Variants in SNAP91 observed in about 807,000 individuals in gnomAD.
SNAP91 encodes the protein clathrin coat assembly protein AP180.
In SNAP91, 27 loss-of-function variants were observed where a neutral mutation model predicts 100.3. That is an observed-to-expected ratio of 0.27 (90% confidence interval 0.20 to 0.37). The LOEUF (loss-of-function observed/expected upper bound fraction) is 0.37, where lower values mean the gene tolerates loss of function less well. Among genes scored for constraint, SNAP91 ranks in the 10% least tolerant of loss-of-function variants. The pLI is 1.00. For missense variants in SNAP91, 986 were observed against 1,123.7 expected, an observed-to-expected ratio of 0.88 and a Z score of 1.75; for synonymous variants, 404 against 398.6, an observed-to-expected ratio of 1.01 and a Z score of -0.16.
chr6:83,672,162 T>G (rs13194511), intron 2 of SNAP91, among the ~76,000 whole-genome samples: 1 of 152,170 alleles, frequency 6.6e-6, no homozygotes, highest in East Asian at 1.9e-4. Context: ...TACCTTTACG[T>G]GCTATTCTCA....
At chr6:83,605,449 CT>C (rs1007156074) in intron 14 of SNAP91, among the ~76,000 whole-genome samples, 1 of 152,138 alleles carries the variant, frequency 6.6e-6, no homozygotes, top group Admixed American at 6.6e-5. Flanking sequence ...CTTGTTCCAA[CT>C]GTTAAAATAA....
rs1376893801 is a variant in SNAP91, at chr6:83,692,133, T to C, written c.130+15665A>G. Among the ~76,000 whole-genome samples, 4 of 152,208 alleles carry C rather than the reference T, an allele frequency of 2.6e-5. No homozygotes were observed. In the East Asian group the frequency reaches 5.8e-4, roughly 22 times the overall value. ...CTATTCTGCTTACAGTATTGAAAGA[T>C]ACCTATGAAAAGAACTATTAGATTC... is the stretch of plus-strand genomic sequence containing the variant. On this transcript the variant is annotated intron_variant, in intron 2 of 29. Coordinates refer to ENST00000369694, the MANE Select transcript of SNAP91 (RefSeq NM_001242792.2).
Position 83,560,133 on chromosome 6 carries a change from A to AG in SNAP91, c.2601dup (p.Phe868LeufsTer35), listed in dbSNP as rs1326398028. 1.9e-6 allele frequency: 3 copies of AG among 1,613,772 alleles called. No individual in the cohort carries two copies. Among genetic ancestry groups the AG allele is most frequent in the Non-Finnish European group, 2.5e-6 (3 of 1,179,872 alleles). ...GTGCCAGGTACAGCGGCAGCTCCAAAGGGGGGCCTCATCATGGGCTGTGCA... is the reference window on the plus strand; with the variant it reads ...GTGCCAGGTACAGCGGCAGCTCCAAAGGGGGGGCCTCATCATGGGCTGTGCA... On this transcript the variant is annotated frameshift_variant, in exon 28 of 30. Transcript: ENST00000369694. LOFTEE classifies it high-confidence loss of function.
intron 22 of SNAP91, among the ~76,000 whole-genome samples, chr6:83,585,640 C>T (rs2092393666): frequency 6.6e-6 from 1 of 151,876 alleles, no homozygotes; most frequent in African/African-American, 2.4e-5. Context: ...AACTGAAGAG[C>T]CAACTGTTTT....
At chr6:83,601,179 C>T (rs988106013) in intron 16 of SNAP91, 92 bp downstream of exon 16, 2 of 1,091,008 alleles carry the variant, frequency 1.8e-6, no homozygotes, top group Non-Finnish European at 2.7e-6. Flanking sequence ...CTCTGACATG[C>T]TGTTACATAA....
intron 14 of SNAP91, among the ~76,000 whole-genome samples, chr6:83,603,928 A>G (rs1281624140): frequency 1.3e-5 from 2 of 152,228 alleles, no homozygotes; most frequent in African/African-American, 4.8e-5. Context: ...TTCTAATAAA[A>G]TTGGTTATTA....
chr6:83,675,794 A>C (rs1366577137), intron 2 of SNAP91, among the ~76,000 whole-genome samples: 1 of 150,794 alleles, frequency 6.6e-6, no homozygotes, highest in Non-Finnish European at 1.5e-5. Context: ...ATGCAAGCAA[A>C]GTATATAGCA....
At chr6:83,680,145 G>A (rs375293784) in intron 2 of SNAP91, among the ~76,000 whole-genome samples, 10 of 152,012 alleles carry the variant, frequency 6.6e-5, no homozygotes, top group African/African-American at 2.4e-4. Flanking sequence ...TCTCAATCAA[G>A]TTTAAAAATT....
chr6:83,643,674 T>C (rs2097797631), intron 7 of SNAP91, among the ~76,000 whole-genome samples: 1 of 152,204 alleles, frequency 6.6e-6, no homozygotes, highest in Non-Finnish European at 1.5e-5. Context: ...TTAATTTTCT[T>C]AAGGGAAGTT....
At chr6:83,637,577 TG>T (rs2097514433) in intron 8 of SNAP91, among the ~76,000 whole-genome samples, 1 of 152,214 alleles carries the variant, frequency 6.6e-6, no homozygotes, top group African/African-American at 2.4e-5. Context: ...GCATTTTGAC[TG>T]GCTAGACTTG....
chr6:83,685,121 T>A (rs1339370593), intron 2 of SNAP91, among the ~76,000 whole-genome samples: 1 of 152,176 alleles, frequency 6.6e-6, no homozygotes, highest in African/African-American at 2.4e-5. Context: ...GATACCACAG[T>A]CCCAGTATTT....
intron 10 of SNAP91, among the ~76,000 whole-genome samples, chr6:83,616,395 A>C (rs551700962): frequency 9.8e-5 from 15 of 152,316 alleles, no homozygotes; most frequent in African/African-American, 3.4e-4. Context: ...ATAGTCAAAA[A>C]TATAAGTACT....
chr6:83,567,740 G>T (rs1028762804), intron 26 of SNAP91, among the ~76,000 whole-genome samples: 9 of 152,184 alleles, frequency 5.9e-5, no homozygotes, highest in Admixed American at 3.9e-4. Context: ...AAAGACACAT[G>T]AAAAAAAGCT....
chr6:83,621,637 TGTACTTTCAATGAC>T (rs1285968658), intron 9 of SNAP91, among the ~76,000 whole-genome samples: 1 of 152,176 alleles, frequency 6.6e-6, no homozygotes, highest in African/African-American at 2.4e-5. Context: ...ATTTCAATGA[TGTACTTTCAATGAC>T]ATGCTCTCAT....
chr6:83,628,669 C>T (rs2097077362), intron 8 of SNAP91, among the ~76,000 whole-genome samples: 1 of 151,746 alleles, frequency 6.6e-6, no homozygotes, highest in Non-Finnish European at 1.5e-5. Flanking sequence ...TGTGTATCTT[C>T]TTTTGAGAAC....
intron 22 of SNAP91, among the ~76,000 whole-genome samples, chr6:83,587,293 T>TAG (rs1405454576): frequency 5.9e-5 from 9 of 152,164 alleles, no homozygotes; most frequent in Admixed American, 1.3e-4. Flanking sequence ...TAAGAGTCCT[T>TAG]AGTCCAGTGA....
chr6:83,605,482 A>T (rs901545815), intron 14 of SNAP91, among the ~76,000 whole-genome samples: 7 of 152,240 alleles, frequency 4.6e-5, no homozygotes, highest in Non-Finnish European at 8.8e-5. Flanking sequence ...CTATTTGAAC[A>T]TTCTCACTGT....
At chr6:83,587,539 T>C (rs891708908) in intron 22 of SNAP91, among the ~76,000 whole-genome samples, 1 of 152,158 alleles carries the variant, frequency 6.6e-6, no homozygotes, top group African/African-American at 2.4e-5. Context: ...ACTGTGGACT[T>C]AGCTGATCCC....
At chr6:83,657,259 T>C (rs1393033217) in intron 6 of SNAP91, among the ~76,000 whole-genome samples, 1 of 152,192 alleles carries the variant, frequency 6.6e-6, no homozygotes, top group Admixed American at 6.5e-5. Flanking sequence ...TGACTCAGTG[T>C]GGAAGAACAG....
Sources: allele counts gnomAD v4.1 joint callset (sites outside exome capture counted in the v4.1 genomes callset), GRCh38; gene constraint gnomAD v4.1.1; transcripts MANE v1.5; gene names NCBI Gene and HGNC (gene_info 2026-07-23, HGNC 2026-07-21).